CDH18: variants seen among roughly 807,000 people sequenced by gnomAD.
CDH18 encodes the protein cadherin 18, also known as cadherin-18.
In CDH18, 31 loss-of-function variants were observed where a neutral mutation model predicts 67.9. That is an observed-to-expected ratio of 0.46 (90% CI 0.34 to 0.62). The LOEUF is 0.62. Ranked by LOEUF, CDH18 falls within the 20% of genes least tolerant of loss-of-function variation. CDH18 has a pLI of 0.01. For missense variants in CDH18, 890 were observed against 975.5 expected, an observed-to-expected ratio of 0.91 and a Z score of 1.17; for synonymous variants, 362 against 347.2, an observed-to-expected ratio of 1.04 and a Z score of -0.48.
At chr5:20,414,027 A>G (rs1747048735) in intron 1 of CDH18, among the ~76,000 whole-genome samples, 1 of 152,046 alleles carries the variant, frequency 6.6e-6, no homozygotes, top group Non-Finnish European at 1.5e-5. Context: ...GCTATTATTA[A>G]AATTTCAAAA....
At chr5:20,358,441 A>C (rs75563589) in intron 1 of CDH18, among the ~76,000 whole-genome samples, 3,241 of 152,284 alleles carry the variant, frequency 0.021, 82 homozygotes, top group African/African-American at 0.055. Context: ...GGGTACAGAT[A>C]TTTCTGATTA....
chr5:20,242,354 C>T (rs1244853496), intron 2 of CDH18, among the ~76,000 whole-genome samples: 2 of 151,460 alleles, frequency 1.3e-5, no homozygotes, highest in Non-Finnish European at 1.5e-5. Flanking sequence ...TTTATTACAA[C>T]ATCTCCCTTT....
chr5:20,439,573 AT>A (rs1347429469), intron 1 of CDH18, among the ~76,000 whole-genome samples: 3 of 151,764 alleles, frequency 2.0e-5, no homozygotes, highest in African/African-American at 7.3e-5. Flanking sequence ...AAGTCATTAA[AT>A]TGATTTTATA....
At chr5:20,519,297 A>C (rs1207639000) in intron 1 of CDH18, among the ~76,000 whole-genome samples, 1 of 152,210 alleles carries the variant, frequency 6.6e-6, no homozygotes, top group Non-Finnish European at 1.5e-5. Flanking sequence ...GCCATAAAAA[A>C]TGATGAGTTC....
intron 1 of CDH18, among the ~76,000 whole-genome samples, chr5:20,343,699 G>A (rs1177510012): frequency 6.6e-6 from 1 of 152,092 alleles, no homozygotes; most frequent in East Asian, 1.9e-4. Context: ...TAGGGTACTT[G>A]GATTAAACAA....
rs3065078 is a variant in CDH18, at chr5:19,962,378, C to CAAAAAAAAAAA, written c.-257+18671_-257+18681dup. Among the ~76,000 whole-genome samples, 29 of 51,576 alleles carry CAAAAAAAAAAA rather than the reference C, an allele frequency of 5.6e-4. 1 individual carries two copies. The highest frequency in any genetic ancestry group is 9.1e-4 in the South Asian group (1 of 1,096). The allele number at this position is 51,576 out of a possible 152,430, so 33.8% of individuals were successfully genotyped here. On this transcript the variant is annotated intron_variant, in intron 2 of 12. Coordinates refer to ENST00000382275, the MANE Select transcript of CDH18 (RefSeq NM_004934.5). The stretch of plus-strand genomic sequence containing the variant: ...AATTTAGAGAATAAACGTCAAAAAG[C>CAAAAAAAAAAA]AAAAAAAAAAAAAAAAAAGAAAATT...
At chr5:20,067,907 G>A (rs779407618) in intron 2 of CDH18, among the ~76,000 whole-genome samples, 4 of 151,784 alleles carry the variant, frequency 2.6e-5, no homozygotes, top group Non-Finnish European at 5.9e-5. Context: ...TTCTAGTTTC[G>A]TGCCAGGGTT....
chr5:19,715,537 TCTAA>T (rs1765241184), intron 5 of CDH18, among the ~76,000 whole-genome samples: 1 of 152,140 alleles, frequency 6.6e-6, no homozygotes, highest in African/African-American at 2.4e-5. Flanking sequence ...TATTTTATTG[TCTAA>T]CTTTTATCTC....
intron 7 of CDH18, among the ~76,000 whole-genome samples, chr5:19,582,352 C>A (rs542036108): frequency 2.0e-4 from 31 of 152,078 alleles, no homozygotes; most frequent in African/African-American, 7.5e-4. Flanking sequence ...CCAAATACTG[C>A]ATAAACTGTA....
At position 20,015,058 on chromosome 5, in the gene CDH18, C is replaced by G. The variant is rs6864948; in HGVS notation, c.-517-23044G>C. On this transcript the variant is annotated intron_variant, in intron 2 of 14. Transcript: ENST00000507958. The stretch of plus-strand genomic sequence containing the variant: ...AATAGTTAACAGAAAAAAGCACAGA[C>G]TCTTGTAAAGTGGGAACAGTAGTAG... Among the ~76,000 whole-genome samples the G allele has an allele frequency of 9.2e-3, 1,402 of 152,226 alleles. 24 individuals are homozygous for G. Among genetic ancestry groups the G allele is most frequent in the African/African-American group, 0.031 (1,279 of 41,564 alleles).
intron 7 of CDH18, among the ~76,000 whole-genome samples, chr5:19,573,258 C>T (rs1741750706): frequency 6.6e-6 from 1 of 150,474 alleles, no homozygotes; most frequent in Non-Finnish European, 1.5e-5. Context: ...TAACTAATAC[C>T]TATCTTGTTT....
intron 5 of CDH18, among the ~76,000 whole-genome samples, chr5:19,634,572 GT>G (rs1342130096): frequency 2.6e-5 from 4 of 152,132 alleles, no homozygotes; most frequent in African/African-American, 9.6e-5. Context: ...TTTTCTTATT[GT>G]TTTATGTTAT....
At chr5:20,433,074 C>T (rs181780243) in intron 1 of CDH18, among the ~76,000 whole-genome samples, 19 of 150,360 alleles carry the variant, frequency 1.3e-4, no homozygotes, top group Admixed American at 9.3e-4. Flanking sequence ...CTATGTTAGT[C>T]ACGGATTAGC....
chr5:19,508,508 T>C (rs917055823), intron 10 of CDH18, among the ~76,000 whole-genome samples: 2 of 152,166 alleles, frequency 1.3e-5, no homozygotes, highest in Admixed American at 1.3e-4. Flanking sequence ...AGAATGGTTA[T>C]TTATTTTTAA....
intron 2 of CDH18, among the ~76,000 whole-genome samples, chr5:20,138,345 C>A (rs1044280550): frequency 6.6e-6 from 1 of 152,062 alleles, no homozygotes; most frequent in Non-Finnish European, 1.5e-5. Context: ...ATGACATACC[C>A]ACAGCCAATA....
intron 5 of CDH18, among the ~76,000 whole-genome samples, chr5:19,671,951 A>G (rs1758808864): frequency 6.6e-6 from 1 of 152,134 alleles, no homozygotes; most frequent in African/African-American, 2.4e-5. Context: ...ATGTAGGAAC[A>G]ATTCCTAGGT....
intron 1 of CDH18, among the ~76,000 whole-genome samples, chr5:20,546,365 C>A (rs1651447): frequency 0.44 from 66,915 of 151,716 alleles, 15,180 homozygotes; most frequent in East Asian, 0.57. Flanking sequence ...TCTGCCAGTA[C>A]CAATTCTCTA....
At chr5:20,433,677 G>A (rs1266596673) in intron 1 of CDH18, among the ~76,000 whole-genome samples, 1 of 151,944 alleles carries the variant, frequency 6.6e-6, no homozygotes, top group Non-Finnish European at 1.5e-5. Context: ...AACACTATTT[G>A]TAAATAAAGA....
At chr5:19,822,827 G>A (rs930762762) in intron 3 of CDH18, among the ~76,000 whole-genome samples, 2 of 152,120 alleles carry the variant, frequency 1.3e-5, no homozygotes, top group African/African-American at 2.4e-5. Context: ...GAGGCAACTG[G>A]TCTGACCAAA....
Sources: gnomAD v4.1 joint callset for allele counts (sites outside exome capture counted in the v4.1 genomes callset) on GRCh38, gnomAD v4.1.1 for gene constraint, MANE v1.5 for transcripts, NCBI Gene and HGNC (gene_info 2026-07-23, HGNC 2026-07-21) for gene names.